VEPH1: variants seen among roughly 807,000 people sequenced by gnomAD.
VEPH1 encodes ventricular zone expressed PH domain containing 1, also known as ventricular zone-expressed PH domain-containing protein homolog 1.
In VEPH1, 80 loss-of-function variants were observed where a neutral mutation model predicts 85.2. The observed-to-expected ratio is 0.94, with a 90% CI of 0.78 to 1.13. The LOEUF is 1.13. VEPH1 is among the 50% of genes most tolerant of loss of function. VEPH1 has a pLI of 0.00. For synonymous variants in VEPH1, 297 were observed against 348.0 expected (o/e 0.85, Z 1.63); for missense variants, 955 against 980.5 (o/e 0.97, Z 0.35).
At chr3:157,466,648 A>C (rs1736404575) in intron 3 of VEPH1, among the ~76,000 whole-genome samples, 1 of 152,228 alleles carries the variant, frequency 6.6e-6, no homozygotes, top group Non-Finnish European at 1.5e-5. Flanking sequence ...ATACTTTGCC[A>C]ATCTCTCATC....
intron 5 of VEPH1, among the ~76,000 whole-genome samples, chr3:157,417,058 A>T (rs1731975091): frequency 6.6e-6 from 1 of 151,476 alleles, no homozygotes; most frequent in African/African-American, 2.5e-5. Flanking sequence ...TTACAAATTA[A>T]ACAAAAGTTG....
chr3:157,364,540 A>T, intron 7 of VEPH1, 28 bp from the exon 8 acceptor site: 1 of 1,592,810 alleles, frequency 6.3e-7, no homozygotes, highest in Non-Finnish European at 8.6e-7. Context: ...ATTGCATTAG[A>T]TGCAGGTCAT....
intron 7 of VEPH1, among the ~76,000 whole-genome samples, chr3:157,368,533 C>T (rs1349971364): frequency 2.0e-5 from 3 of 151,786 alleles, no homozygotes; most frequent in Non-Finnish European, 4.4e-5. Context: ...GCTCTGTCGC[C>T]CAGGCTGGAG....
chr3:157,321,470 A>C (rs1444739462), intron 9 of VEPH1, among the ~76,000 whole-genome samples: 2 of 152,190 alleles, frequency 1.3e-5, no homozygotes, highest in Non-Finnish European at 2.9e-5. Context: ...ATTACATTTC[A>C]TCTTTATGAA....
At chr3:157,409,709 C>T (rs769116798) in intron 6 of VEPH1, 2 of 985,282 alleles carry the variant, frequency 2.0e-6, no homozygotes, top group Non-Finnish European at 2.4e-6. Flanking sequence ...ATTTGAAAGA[C>T]AGGCACACCC....
Position 157,364,394 on chromosome 3 carries a change from T to C in VEPH1, c.1246A>G (p.Ile416Val), listed in dbSNP as rs1388857111. The C allele has an allele frequency of 6.2e-7, 1 of 1,614,064 alleles. No individual in the cohort carries two copies. Among genetic ancestry groups the C allele is most frequent in the Non-Finnish European group, 8.5e-7 (1 of 1,179,942 alleles). The stretch of plus-strand genomic sequence containing the variant: ...CCAGGGGTATTGCTCCCTGCATTTA[T>C]CTTGTCTTCAAAAGCCTGGATTTTA... ...QVKIQAFEDK[I>V]NAGSNTPGSI... is the part of the protein sequence containing the mutation. The change falls in exon 8 of 14, where the codon ATA becomes GTA. Residue 416 changes from isoleucine to valine, a missense_variant. Transcript: ENST00000362010.
rs1171703539 is a variant in VEPH1 at position 157,381,147 on chromosome 3, C to T, written c.1127+9G>A. 1.2e-6 allele frequency: 2 copies of T among 1,612,634 alleles called. No homozygotes were observed. Among genetic ancestry groups the T allele is most frequent in the Non-Finnish European group, 1.7e-6 (2 of 1,179,968 alleles). ...CAGCTCCCTGAGGTACACAGAAGCTCTTGCTCACCTGCCACTTCCAGCCTT... is the reference window on the plus strand; with the variant it reads ...CAGCTCCCTGAGGTACACAGAAGCTTTTGCTCACCTGCCACTTCCAGCCTT... On this transcript the variant is annotated intron_variant, in intron 7 of 13. Coordinates refer to ENST00000362010, the MANE Select transcript of VEPH1 (RefSeq NM_001167912.2).
intron 4 of VEPH1, among the ~76,000 whole-genome samples, chr3:157,441,019 G>T (rs1275633801): frequency 6.6e-6 from 1 of 152,220 alleles, no homozygotes; most frequent in Admixed American, 6.5e-5. Context: ...CTACATACTT[G>T]CTGCTTACAG....
chr3:157,431,933 C>T (rs367978355), intron 4 of VEPH1, among the ~76,000 whole-genome samples: 7 of 151,836 alleles, frequency 4.6e-5, no homozygotes, highest in East Asian at 3.9e-4. Flanking sequence ...CTGCAACCTC[C>T]GCTTCATGGG....
At chr3:157,333,043 T>C (rs917056897) in intron 9 of VEPH1, among the ~76,000 whole-genome samples, 2 of 152,236 alleles carry the variant, frequency 1.3e-5, no homozygotes, top group Non-Finnish European at 2.9e-5. Flanking sequence ...AGTGTTATTG[T>C]GGCAATGCTG....
At position 157,312,763 on chromosome 3, in the gene VEPH1, A is replaced by G. The variant is rs149753162; in HGVS notation, c.2010+858T>C. Reference sequence around the variant, plus strand: ...CTTCTTTCTTAGTCACTGTGCTTCTATAACAAATACCTGAGACTGGGTAAT... The same window carrying G: ...CTTCTTTCTTAGTCACTGTGCTTCTGTAACAAATACCTGAGACTGGGTAAT... On this transcript the variant is annotated intron_variant, in intron 11 of 13. Coordinates refer to ENST00000362010, the MANE Select transcript of VEPH1 (RefSeq NM_001167912.2). Among the ~76,000 whole-genome samples, 203 of 152,258 alleles carry G rather than the reference A, an allele frequency of 1.3e-3. No individual in the cohort carries two copies. The Middle Eastern group carries it at 0.034, about 26-fold the overall frequency.
intron 12 of VEPH1, among the ~76,000 whole-genome samples, chr3:157,270,824 A>G (rs186734481): frequency 1.5e-4 from 23 of 152,212 alleles, no homozygotes; most frequent in African/African-American, 5.3e-4. Context: ...TACAAATTCT[A>G]CTGCTCAGTG....
chr3:157,377,249 C>T (rs1218964564), intron 7 of VEPH1, among the ~76,000 whole-genome samples: 2 of 151,582 alleles, frequency 1.3e-5, no homozygotes, highest in Non-Finnish European at 1.5e-5. Context: ...TGAGTGGTGA[C>T]CTTTTCATCT....
At chr3:157,356,839 T>C (rs756919275) in intron 9 of VEPH1, among the ~76,000 whole-genome samples, 1 of 152,214 alleles carries the variant, frequency 6.6e-6, no homozygotes, top group Non-Finnish European at 1.5e-5. Context: ...TGGATTGGAA[T>C]GTACTCTTCT....
chr3:157,413,663 G>C, intron 6 of VEPH1: 1 of 985,144 alleles, frequency 1.0e-6, no homozygotes, highest in Non-Finnish European at 1.2e-6. Flanking sequence ...CCATGTAAAA[G>C]GACTGAAAGA....
chr3:157,448,433 A>C (rs1181311099), intron 4 of VEPH1, among the ~76,000 whole-genome samples: 1 of 152,220 alleles, frequency 6.6e-6, no homozygotes, highest in African/African-American at 2.4e-5. Flanking sequence ...AAAAAGGGAC[A>C]TTACTACTTT....
At chr3:157,344,214 A>G (rs9682682) in intron 9 of VEPH1, among the ~76,000 whole-genome samples, 10,738 of 152,172 alleles carry the variant, frequency 0.071, 1,148 homozygotes, top group African/African-American at 0.23. Context: ...AGGGTATTCA[A>G]TTAGGAAAAG....
chr3:157,471,566 G>A (rs997124682), intron 2 of VEPH1, among the ~76,000 whole-genome samples: 1 of 152,172 alleles, frequency 6.6e-6, no homozygotes, highest in African/African-American at 2.4e-5. Flanking sequence ...TTTGATTAGT[G>A]AGAAACAGTA....
chr3:157,413,557 A>T, intron 6 of VEPH1: 12 of 985,340 alleles, frequency 1.2e-5, no homozygotes, highest in Non-Finnish European at 1.4e-5. Flanking sequence ...TGCTCTCTCC[A>T]TTTTAACCCT....
Sources: allele counts gnomAD v4.1 joint callset (sites outside exome capture counted in the v4.1 genomes callset), GRCh38; gene constraint gnomAD v4.1.1; transcripts MANE v1.5; gene names NCBI Gene and HGNC (gene_info 2026-07-23, HGNC 2026-07-21).